The following GRM3 variants were observed in gnomAD, a reference collection of about 807,000 sequenced individuals.
The protein encoded by GRM3 is glutamate metabotropic receptor 3.
In GRM3, 26 loss-of-function variants were observed where a neutral mutation model predicts 70.5. That is an observed-to-expected ratio of 0.37 (90% CI 0.27 to 0.51). GRM3 has a LOEUF of 0.51. Ranked by LOEUF, GRM3 falls within the 20% of genes least tolerant of loss-of-function variation. The pLI is 0.93. For synonymous variants in GRM3, 443 were observed against 434.9 expected (o/e 1.02, Z -0.23); for missense variants, 859 against 1,123.8 (o/e 0.76, Z 3.37).
chr7:86,729,094 A>T (rs889981226), intron 1 of GRM3, among the ~76,000 whole-genome samples: 18 of 152,186 alleles, frequency 1.2e-4, no homozygotes, highest in Non-Finnish European at 1.9e-4. Context: ...ACTTCTGATT[A>T]GCTTCCTTTT....
chr7:86,753,667 A>G (rs557098185), intron 1 of GRM3, among the ~76,000 whole-genome samples: 55 of 152,228 alleles, frequency 3.6e-4, no homozygotes, highest in African/African-American at 1.3e-3. Flanking sequence ...ATAGGTTGTG[A>G]AAATTTGATC....
chr7:86,736,453 A>T (rs1032993040), intron 1 of GRM3, among the ~76,000 whole-genome samples: 1 of 152,224 alleles, frequency 6.6e-6, no homozygotes, highest in Non-Finnish European at 1.5e-5. Flanking sequence ...TCAACACAAA[A>T]GAAAGTTACG....
intron 3 of GRM3, among the ~76,000 whole-genome samples, chr7:86,830,222 G>C (rs1309025192): frequency 6.6e-6 from 1 of 152,156 alleles, no homozygotes; most frequent in African/African-American, 2.4e-5. Flanking sequence ...TGACAAATGA[G>C]AGTTGTCCCA....
chr7:86,681,725 A>G (rs950820850), intron 1 of GRM3, among the ~76,000 whole-genome samples: 8 of 152,186 alleles, frequency 5.3e-5, no homozygotes, highest in Non-Finnish European at 7.4e-5. Context: ...TTTGAACCCT[A>G]TCATCTCTTC....
intron 1 of GRM3, among the ~76,000 whole-genome samples, chr7:86,700,011 G>A (rs371028446): frequency 2.6e-5 from 4 of 151,924 alleles, no homozygotes; most frequent in African/African-American, 7.2e-5. Flanking sequence ...CAGCATGCTC[G>A]TCTTAAACTT....
At chr7:86,749,321 G>A (rs554794526) in intron 1 of GRM3, among the ~76,000 whole-genome samples, 63 of 152,110 alleles carry the variant, frequency 4.1e-4, no homozygotes, top group African/African-American at 1.4e-3. Context: ...TGGGTTACTT[G>A]TAGGCTGTGA....
At chr7:86,807,916 C>A (rs1797829374) in intron 3 of GRM3, among the ~76,000 whole-genome samples, 1 of 152,030 alleles carries the variant, frequency 6.6e-6, no homozygotes, top group South Asian at 2.1e-4. Flanking sequence ...TGAGATAAGT[C>A]CCATCAATAC....
At chr7:86,757,438 C>G (rs1416548179) in intron 1 of GRM3, among the ~76,000 whole-genome samples, 1 of 152,122 alleles carries the variant, frequency 6.6e-6, no homozygotes, top group African/African-American at 2.4e-5. Context: ...AGAGCTTGGC[C>G]TTTACTAATA....
chr7:86,800,964 A>C (rs1159741030), intron 3 of GRM3, among the ~76,000 whole-genome samples: 1 of 152,162 alleles, frequency 6.6e-6, no homozygotes, highest in Non-Finnish European at 1.5e-5. Context: ...TAAGTTATTT[A>C]AATTGCACTT....
chr7:86,747,071 T>C (rs1251225195), intron 1 of GRM3, among the ~76,000 whole-genome samples: 1 of 152,040 alleles, frequency 6.6e-6, no homozygotes, highest in Non-Finnish European at 1.5e-5. Context: ...CTCATAGGAG[T>C]TGGAAGAGAC....
At chr7:86,821,173 G>GTT (rs3838256) in intron 3 of GRM3, among the ~76,000 whole-genome samples, 50,365 of 151,522 alleles carry the variant, frequency 0.33, 8,776 homozygotes, top group African/African-American at 0.45. Flanking sequence ...TGAATAAAGG[G>GTT]TTTTTTTTAA....
chr7:86,739,734 A>C (rs77774802), intron 1 of GRM3, among the ~76,000 whole-genome samples: 91 of 152,364 alleles, frequency 6.0e-4, no homozygotes, highest in Non-Finnish European at 1.0e-3. Context: ...TATTGTAACA[A>C]GCCAAACTGA....
chr7:86,735,541 A>C (rs1301219226), intron 1 of GRM3, among the ~76,000 whole-genome samples: 3 of 152,186 alleles, frequency 2.0e-5, no homozygotes, highest in Non-Finnish European at 4.4e-5. Context: ...CAGGTTTTTA[A>C]AATATATTAA....
At chr7:86,733,191 G>A (rs1470874423) in intron 1 of GRM3, among the ~76,000 whole-genome samples, 1 of 152,004 alleles carries the variant, frequency 6.6e-6, no homozygotes, top group Non-Finnish European at 1.5e-5. Context: ...GCAGGCATCT[G>A]TGGTCCCAGC....
intron 1 of GRM3, among the ~76,000 whole-genome samples, chr7:86,735,406 C>G (rs538675009): frequency 2.0e-5 from 3 of 152,308 alleles, no homozygotes; most frequent in African/African-American, 7.2e-5. Context: ...GAAGCTTTAT[C>G]TAACCACCAA....
intron 1 of GRM3, among the ~76,000 whole-genome samples, chr7:86,703,962 G>A (rs1795000967): frequency 6.6e-6 from 1 of 151,838 alleles, no homozygotes; most frequent in Admixed American, 6.6e-5. Context: ...GCCCATTAAA[G>A]TTTCAGATAT....
chr7:86,858,369 C>T (rs1287049595), intron 5 of GRM3, among the ~76,000 whole-genome samples: 1 of 152,114 alleles, frequency 6.6e-6, no homozygotes, highest in Non-Finnish European at 1.5e-5. Context: ...AACTTAATCT[C>T]CAAATTCACA....
chr7:86,684,963 G>A (rs1794529285), intron 1 of GRM3, among the ~76,000 whole-genome samples: 2 of 152,118 alleles, frequency 1.3e-5, no homozygotes, highest in Non-Finnish European at 2.9e-5. Flanking sequence ...AGTACTTATA[G>A]TAACTGAGAA....
intron 1 of GRM3, among the ~76,000 whole-genome samples, 156 bp from the exon 2 acceptor site, chr7:86,764,850 G>A (rs1796562261): frequency 6.6e-6 from 1 of 152,126 alleles, no homozygotes; most frequent in Non-Finnish European, 1.5e-5. Flanking sequence ...AGGATGGGGT[G>A]AGAATACCTG....
Sources: allele counts gnomAD v4.1 joint callset (sites outside exome capture counted in the v4.1 genomes callset), GRCh38; gene constraint gnomAD v4.1.1; transcripts MANE v1.5; gene names NCBI Gene and HGNC (gene_info 2026-07-23, HGNC 2026-07-21).